PSMC6: variants seen among roughly 807,000 people sequenced by gnomAD.
PSMC6 encodes the protein proteasome 26S subunit, ATPase 6.
PSMC6 carries 3 observed loss-of-function variants against 55.9 expected under a neutral mutation model. That is an observed-to-expected ratio of 0.05 (90% CI 0.02 to 0.14). PSMC6 has a LOEUF of 0.14. Among genes scored for constraint, PSMC6 ranks in the 10% least tolerant of loss-of-function variants. PSMC6 has a pLI of 1.00. For synonymous variants in PSMC6, 137 were observed against 155.9 expected, an observed-to-expected ratio of 0.88 and a Z score of 0.90; for missense variants, 210 against 478.7, an observed-to-expected ratio of 0.44 and a Z score of 5.24.
chr14:52,720,715 AAAAG>A (rs1317433529), intron 10 of PSMC6, 142 bp from the exon 11 acceptor site: 1 of 647,602 alleles, frequency 1.5e-6, no homozygotes, highest in South Asian at 3.0e-5. Flanking sequence ...AAGAGAGAGA[AAAAG>A]AATTCTATCA....
At chr14:52,718,504 C>A in intron 9 of PSMC6, 152 bp downstream of exon 9, 1 of 858,954 alleles carries the variant, frequency 1.2e-6, no homozygotes, top group Non-Finnish European at 1.7e-6. Flanking sequence ...AATAACCTTT[C>A]ATGGCCGGGT....
chr14:52,717,454 G>C (rs1594851224), intron 7 of PSMC6, among the ~76,000 whole-genome samples: 1 of 149,214 alleles, frequency 6.7e-6, no homozygotes, highest in East Asian at 2.0e-4. Flanking sequence ...TCCTGCCTCA[G>C]CCTCCCCAGT....
chr14:52,715,473 G>A (rs1174909540), intron 7 of PSMC6, among the ~76,000 whole-genome samples: 1 of 152,146 alleles, frequency 6.6e-6, no homozygotes, highest in Non-Finnish European at 1.5e-5. Flanking sequence ...TTTTTCCAAA[G>A]CGAACAAATT....
intron 13 of PSMC6, among the ~76,000 whole-genome samples, chr14:52,725,745 G>A (rs1880384595): frequency 6.6e-6 from 1 of 152,084 alleles, no homozygotes; most frequent in African/African-American, 2.4e-5. Context: ...AAATTCCTGG[G>A]CCCAAGTAAT....
rs1195264443 is a variant in PSMC6 at position 52,723,714 on chromosome 14, GA to G, written c.980-250del. The G allele has an allele frequency of 6.4e-6, 5 of 780,000 alleles. No homozygotes were observed. In the African/African-American group the frequency reaches 7.2e-5, roughly 11 times the overall value. The allele number at this position is 780,000 out of a possible 1,614,324, so 48.3% of individuals were successfully genotyped here. On this transcript the variant is annotated intron_variant, in intron 12 of 13. Coordinates refer to ENST00000445930, the MANE Select transcript of PSMC6 (RefSeq NM_002806.5). The stretch of plus-strand genomic sequence containing the variant: ...ATAGCTATTTCACTGTATAAAAATA[GA>G]TTAAGATATTTTGAGATTTTGGTGA...
chr14:52,714,571 G>A (rs1303184619), intron 7 of PSMC6, among the ~76,000 whole-genome samples: 2 of 152,060 alleles, frequency 1.3e-5, no homozygotes, highest in Non-Finnish European at 2.9e-5. Context: ...TTATAATACT[G>A]AAATGTTAAG....
chr14:52,727,503 G>A lies in PSMC6; in HGVS notation c.1056G>A (p.Met352Ile). 1.9e-6 allele frequency: 3 copies of A among 1,608,540 alleles called. No homozygotes were observed. Among genetic ancestry groups the A allele is most frequent in the Non-Finnish European group, 2.6e-6 (3 of 1,176,472 alleles). Reference protein sequence around the residue: ...DLRNVCTEAGMFAIRADHDFV... With the variant: ...DLRNVCTEAGIFAIRADHDFV... ...ATGTTGTTTTATTCTCTACAGGTAT[G>A]TTCGCAATTCGTGCTGATCATGATT... The change falls in exon 14 of 14, where the codon ATG becomes ATA. Residue 352 changes from methionine to isoleucine, a missense_variant. By Grantham distance (10) the Met-to-Ile change is conservative. Transcript: ENST00000445930.
chr14:52,719,008 T>C lies in PSMC6; in HGVS notation c.747T>C (p.Ala249=). 1.2e-6 allele frequency: 2 copies of C among 1,613,140 alleles called. No individual in the cohort carries two copies. The highest frequency in any genetic ancestry group is 1.1e-5 in the South Asian group (1 of 91,054). ...GTCGGTTTTCTGAGGGTACTTCAGCTGACAGAGAGATTCAGAGAACGTTAA... is the reference window on the plus strand; with the variant it reads ...GTCGGTTTTCTGAGGGTACTTCAGCCGACAGAGAGATTCAGAGAACGTTAA... ...GGRRFSEGTS[A]DREIQRTLME... is the part of the protein sequence containing the mutation. The change falls in exon 10 of 14, where the codon GCT becomes GCC. Residue 249 remains alanine (A), a synonymous_variant. Transcript: ENST00000445930.
At chr14:52,722,658 T>C (rs534261489) in intron 12 of PSMC6, 76 of 152,296 alleles carry the variant, frequency 5.0e-4, no homozygotes, top group African/African-American at 1.7e-3. Flanking sequence ...AAGGAGAAGG[T>C]ATAAAGTCAT....
At chr14:52,715,800 A>G (rs2139845039) in intron 7 of PSMC6, among the ~76,000 whole-genome samples, 1 of 151,976 alleles carries the variant, frequency 6.6e-6, no homozygotes, top group East Asian at 1.9e-4. Context: ...TGTTTTTAGT[A>G]GAGGCAGGGT....
chr14:52,728,147 A>G lies in PSMC6; in HGVS notation c.*530A>G, dbSNP rs1880495963. The G allele has an allele frequency of 6.5e-6, 1 of 152,934 alleles. No homozygotes were observed. The highest frequency in any genetic ancestry group is 1.5e-5 in the Non-Finnish European group (1 of 68,608). 9.5% of individuals were successfully genotyped at this position (152,934 alleles called of 1,614,324 possible). On this transcript the variant is annotated 3_prime_UTR_variant, in exon 14 of 14. Coordinates refer to ENST00000445930, the MANE Select transcript of PSMC6 (RefSeq NM_002806.5). ...TGTTCATAAGATCATCTTCTTAAAT[A>G]AAACATGGATGTGTGGGTATGTCTG...
intron 13 of PSMC6, among the ~76,000 whole-genome samples, chr14:52,725,847 A>G (rs1158795459): frequency 6.6e-6 from 1 of 152,234 alleles, no homozygotes; most frequent in Non-Finnish European, 1.5e-5. Flanking sequence ...CTTATTCACT[A>G]AAGTGATTTG....
At chr14:52,707,537 T>G in intron 1 of PSMC6, 1 of 518,044 alleles carries the variant, frequency 1.9e-6, no homozygotes, top group South Asian at 2.2e-5. Context: ...GAGGTGAAAA[T>G]GAAAAAGAAG....
At chr14:52,720,148 A>G (rs867490594) in intron 10 of PSMC6, among the ~76,000 whole-genome samples, 2 of 145,842 alleles carry the variant, frequency 1.4e-5, no homozygotes, top group Non-Finnish European at 3.0e-5. Flanking sequence ...GCTTGAACCC[A>G]GGAGGTGAGG....
chr14:52,722,839 A>G (rs891877137), intron 12 of PSMC6: 1 of 152,190 alleles, frequency 6.6e-6, no homozygotes, highest in Admixed American at 6.5e-5. Context: ...GCTGAGTTGA[A>G]TAGTTACAAC....
At chr14:52,711,231 T>C (rs2041768730) in intron 5 of PSMC6, 63 bp downstream of exon 5, 1 of 1,463,522 alleles carries the variant, frequency 6.8e-7, no homozygotes, top group African/African-American at 1.4e-5. Flanking sequence ...TTATCTGAGA[T>C]ATATGCTTCT....
chr14:52,715,463 T>A (rs1431989379), intron 7 of PSMC6, among the ~76,000 whole-genome samples: 3 of 152,180 alleles, frequency 2.0e-5, no homozygotes, highest in Non-Finnish European at 4.4e-5. Context: ...TGGCGCACAT[T>A]TTTTCCAAAG....
intron 4 of PSMC6, chr14:52,709,471 A>G (rs906877047): frequency 5.6e-6 from 2 of 359,474 alleles, no homozygotes; most frequent in African/African-American, 2.2e-5. Flanking sequence ...TCCAGGAACT[A>G]TAAATCTCCT....
chr14:52,708,437 T>C, intron 2 of PSMC6, 46 bp from the exon 3 acceptor site: 2 of 1,613,412 alleles, frequency 1.2e-6, no homozygotes, highest in Non-Finnish European at 1.7e-6. Flanking sequence ...TTTGCTTTTT[T>C]ATTTAGCTGT....
Sources: gnomAD v4.1 joint callset for allele counts (sites outside exome capture counted in the v4.1 genomes callset) on GRCh38, gnomAD v4.1.1 for gene constraint, MANE v1.5 for transcripts, NCBI Gene and HGNC (gene_info 2026-07-23, HGNC 2026-07-21) for gene names.